Variants in LINGO1 observed in about 807,000 individuals in gnomAD.
The protein encoded by LINGO1 is leucine-rich repeat and immunoglobulin-like domain-containing nogo receptor-interacting protein 1.
A neutral mutation model predicts 37.3 loss-of-function variants in LINGO1; 11 were observed. The ratio of observed to expected loss-of-function variants is 0.29; its 90% CI spans 0.19 to 0.49. The LOEUF is 0.49. Ranked by LOEUF, LINGO1 falls within the 20% of genes least tolerant of loss-of-function variation. The pLI, the probability that LINGO1 is intolerant of heterozygous loss-of-function variation, is 0.99. For synonymous variants in LINGO1, 387 were observed against 403.0 expected (o/e 0.96, Z 0.48); for missense variants, 585 against 878.2 (o/e 0.67, Z 4.22).
chr15:77,648,837 G>A (rs558345210), intron 3 of LINGO1: 1 of 152,446 alleles, frequency 6.6e-6, no homozygotes, highest in South Asian at 2.1e-4. Flanking sequence ...GCAGGCCCCT[G>A]ATTCTCTGGG....
intron 1 of LINGO1, among the ~76,000 whole-genome samples, chr15:77,772,645 C>A (rs1157482320): frequency 6.6e-6 from 1 of 152,118 alleles, no homozygotes; most frequent in African/African-American, 2.4e-5. Context: ...AAATTTGTCA[C>A]CTCTATCATA....
At chr15:77,777,376 CACAA>C (rs2076668318) in intron 1 of LINGO1, among the ~76,000 whole-genome samples, 2 of 37,174 alleles carry the variant, frequency 5.4e-5, no homozygotes, top group African/African-American at 1.4e-4. Flanking sequence ...CATATACACA[CACAA>C]ATACACACAC....
chr15:77,750,618 A>G (rs1249345137), intron 1 of LINGO1, among the ~76,000 whole-genome samples: 1 of 152,174 alleles, frequency 6.6e-6, no homozygotes, highest in Non-Finnish European at 1.5e-5. Flanking sequence ...CCCCTTCCAG[A>G]AGAATGGATG....
upstream of LINGO1, among the ~76,000 whole-genome samples, chr15:77,633,240 C>T (rs1432455982): frequency 2.0e-5 from 3 of 151,860 alleles, no homozygotes; most frequent in Non-Finnish European, 4.4e-5. Context: ...GTCCGGCGTG[C>T]GGTCCTCCCT....
At chr15:77,794,404 A>G (rs1430120911) in intron 2 of LINGO1, among the ~76,000 whole-genome samples, 1 of 59,976 alleles carries the variant, frequency 1.7e-5, no homozygotes, top group Non-Finnish European at 3.1e-5. Flanking sequence ...ATATACGTAT[A>G]TATGTGTATA....
At chr15:77,738,269 C>A (rs979124244) in intron 1 of LINGO1, among the ~76,000 whole-genome samples, 5 of 152,138 alleles carry the variant, frequency 3.3e-5, no homozygotes, top group African/African-American at 1.2e-4. Context: ...CAGAGCAGCA[C>A]GATGACGGAG....
chr15:77,614,149 C>T lies in LINGO1; in HGVS notation c.1758G>A (p.Lys586=). 2 of 1,614,036 alleles carry T rather than the reference C, an allele frequency of 1.2e-6. No homozygotes were observed. Among genetic ancestry groups the T allele is most frequent in the Non-Finnish European group, 1.7e-6 (2 of 1,179,904 alleles). The change falls in exon 2 of 2, where the codon AAG becomes AAA. Residue 586 remains lysine (K), a synonymous_variant. Coordinates refer to ENST00000355300, the MANE Select transcript of LINGO1 (RefSeq NM_032808.7). ...TCTCGATGTTGTGCTTTGTGTTGCC[C>T]TTGCCCCGGCTCCAGAGAAACAGCA... ...LVLLFLWSRG[K]GNTKHNIEIE...
intron 2 of LINGO1, among the ~76,000 whole-genome samples, chr15:77,713,405 C>T (rs1776134439): frequency 6.6e-6 from 1 of 151,862 alleles, no homozygotes. Flanking sequence ...AAATCAATCT[C>T]AGAAGGTGAT....
Position 77,614,129 on chromosome 15 carries a change from ATGT to A in LINGO1, c.1775_1777del (p.Asn592del). 1 of 1,613,876 alleles carries A rather than the reference ATGT, an allele frequency of 6.2e-7. No individual in the cohort carries two copies. Among genetic ancestry groups the A allele is most frequent in the East Asian group, 2.2e-5 (1 of 44,864 alleles). On this transcript the variant is annotated inframe_deletion, in exon 2 of 2. Transcript: ENST00000355300. ...CTTTCGGGGCACATACTCGATCTCG[ATGT>A]TGTGCTTTGTGTTGCCCTTGCCCCG...
rs756041181 is a variant in LINGO1 at position 77,615,653 on chromosome 15, G to A, written c.254C>T (p.Thr85Met). ...LLDLGKNRIK[T>M]LNQDEFASFP... ...GCTGGCGAACTCGTCCTGGTTGAGCGTTTTGATGCGGTTCTTGCCTAGGTC... is the reference window on the plus strand; with the variant it reads ...GCTGGCGAACTCGTCCTGGTTGAGCATTTTGATGCGGTTCTTGCCTAGGTC... Residue 85 changes from threonine (T) to methionine (M), a missense_variant, in exon 2 of 2, where the codon ACG becomes ATG. This residue lies in a region of LINGO1 where 484 missense variants were observed against 735.0 expected (regional missense o/e 0.66). Coordinates refer to ENST00000355300, the MANE Select transcript of LINGO1 (RefSeq NM_032808.7). 5.0e-6 allele frequency: 8 copies of A among 1,611,314 alleles called. No individual in the cohort carries two copies. The South Asian group carries it at 5.5e-5, about 11-fold the overall frequency.
At chr15:77,747,422 G>C (rs1401993349) in intron 1 of LINGO1, among the ~76,000 whole-genome samples, 1 of 152,140 alleles carries the variant, frequency 6.6e-6, no homozygotes, top group East Asian at 1.9e-4. Context: ...AAGACCTCCA[G>C]GGTTCCCCCA....
intron 1 of LINGO1, among the ~76,000 whole-genome samples, chr15:77,629,470 C>T (rs1252561822): frequency 1.3e-5 from 2 of 152,194 alleles, no homozygotes; most frequent in Non-Finnish European, 2.9e-5. Flanking sequence ...TTCCCTAGGA[C>T]TCAGCCAGTC....
chr15:77,810,314 A>ACACACACATACACATG (rs1393637461), intron 1 of LINGO1, among the ~76,000 whole-genome samples: 3 of 150,886 alleles, frequency 2.0e-5, no homozygotes, highest in African/African-American at 7.4e-5. Context: ...CTAGGCTCAC[A>ACACACACATACACATG]CACACACATA....
rs56734688 is a variant in LINGO1, at chr15:77,782,212, T to TACACACAC, written c.-257+4649_-257+4656dup. On this transcript the variant is annotated intron_variant, in intron 1 of 3. Coordinates refer to the LINGO1 transcript ENST00000561686. Reference sequence around the variant, plus strand: ...CACGATGCTCAAGTGTGCGCACGCGTACACACACACACACACACACACACA... The same window carrying TACACACAC: ...CACGATGCTCAAGTGTGCGCACGCGTACACACACACACACACACACACACACACACACA... Among the ~76,000 whole-genome samples the TACACACAC allele has an allele frequency of 7.5e-4, 113 of 150,150 alleles. 1 individual carries two copies. The highest frequency in any genetic ancestry group is 2.7e-3 in the African/African-American group (109 of 40,760).
At chr15:77,662,712 C>T (rs1406644253) in intron 3 of LINGO1, among the ~76,000 whole-genome samples, 1 of 152,194 alleles carries the variant, frequency 6.6e-6, no homozygotes, top group Non-Finnish European at 1.5e-5. Context: ...GCCAGAAGGT[C>T]TCTGGTTCTA....
At chr15:77,772,321 C>T (rs929016570) in intron 1 of LINGO1, among the ~76,000 whole-genome samples, 1 of 152,226 alleles carries the variant, frequency 6.6e-6, no homozygotes, top group African/African-American at 2.4e-5. Context: ...CCCACCAACC[C>T]TTAAAATTCC....
At chr15:77,681,165 T>G (rs2075406892) in intron 2 of LINGO1, among the ~76,000 whole-genome samples, 1 of 152,116 alleles carries the variant, frequency 6.6e-6, no homozygotes, top group Non-Finnish European at 1.5e-5. Context: ...CGAGCATCTA[T>G]CTACTTGGGA....
intron 1 of LINGO1, among the ~76,000 whole-genome samples, chr15:77,780,696 G>A (rs550298801): frequency 6.6e-6 from 1 of 152,128 alleles, no homozygotes; most frequent in African/African-American, 2.4e-5. Context: ...GGTTAAATGA[G>A]GTCACAAGGA....
At chr15:77,653,766 C>A (rs1489990158) in intron 3 of LINGO1, among the ~76,000 whole-genome samples, 1 of 152,136 alleles carries the variant, frequency 6.6e-6, no homozygotes, top group Non-Finnish European at 1.5e-5. Context: ...AACAGTCCAT[C>A]TGAAAGAGAT....
Sources: allele counts gnomAD v4.1 joint callset (sites outside exome capture counted in the v4.1 genomes callset), GRCh38; gene constraint gnomAD v4.1.1; regional missense constraint gnomAD v4.1.1; transcripts MANE v1.5; gene names NCBI Gene and HGNC (gene_info 2026-07-23, HGNC 2026-07-21).